Variants in CDH13 observed in about 807,000 individuals in gnomAD.
CDH13 encodes cadherin-13.
CDH13 carries 24 observed loss-of-function variants against 63.8 expected under a neutral mutation model. The observed-to-expected ratio is 0.38, with a 90% CI of 0.27 to 0.53. The LOEUF is 0.53. Ranked by LOEUF, CDH13 falls within the 20% of genes least tolerant of loss-of-function variation. The pLI, the probability that CDH13 is intolerant of heterozygous loss-of-function variation, is 0.85. For missense variants in CDH13, 1,049 were observed against 903.1 expected, an observed-to-expected ratio of 1.16 and a Z score of -2.07; for synonymous variants, 503 against 355.3, an observed-to-expected ratio of 1.42 and a Z score of -4.67.
intron 2 of CDH13, among the ~76,000 whole-genome samples, chr16:82,958,915 G>A (rs1440777405): frequency 1.3e-5 from 2 of 152,222 alleles, no homozygotes; most frequent in Non-Finnish European, 2.9e-5. Flanking sequence ...GGTTATGAAC[G>A]AATGAAATCT....
At chr16:83,764,168 A>G (rs1213353894) in intron 11 of CDH13, among the ~76,000 whole-genome samples, 1 of 152,218 alleles carries the variant, frequency 6.6e-6, no homozygotes, top group African/African-American at 2.4e-5. Context: ...CAGAATCATG[A>G]GTGCTGAGGC....
At chr16:82,662,871 C>T (rs573649550) in intron 1 of CDH13, among the ~76,000 whole-genome samples, 14 of 148,478 alleles carry the variant, frequency 9.4e-5, no homozygotes, top group East Asian at 3.9e-4. Context: ...TGTGTGCTTG[C>T]GTGGGCATGC....
intron 8 of CDH13, among the ~76,000 whole-genome samples, chr16:83,634,379 A>G (rs1402028211): frequency 6.6e-6 from 1 of 151,708 alleles, no homozygotes; most frequent in Non-Finnish European, 1.5e-5. Flanking sequence ...GAATCATACA[A>G]TATGTAACTC....
chr16:82,911,818 C>G (rs1354885247), intron 2 of CDH13, among the ~76,000 whole-genome samples: 1 of 152,096 alleles, frequency 6.6e-6, no homozygotes, highest in Non-Finnish European at 1.5e-5. Flanking sequence ...GCTTTTACCA[C>G]CAAATTCCCC....
intron 4 of CDH13, among the ~76,000 whole-genome samples, chr16:83,203,559 T>C (rs528072894): frequency 1.9e-3 from 268 of 141,382 alleles, no homozygotes; most frequent in Non-Finnish European, 3.0e-3. Context: ...TCGTGGTGGG[T>C]GCCTGTAGTC....
At chr16:83,134,885 C>G (rs559739179) in intron 4 of CDH13, among the ~76,000 whole-genome samples, 8 of 152,274 alleles carry the variant, frequency 5.3e-5, no homozygotes, top group African/African-American at 1.9e-4. Context: ...CATCTGAGCC[C>G]AAGGAGGAAG....
intron 5 of CDH13, among the ~76,000 whole-genome samples, chr16:83,286,778 A>ATT (rs1363053309): frequency 6.7e-6 from 1 of 148,340 alleles, no homozygotes; most frequent in Admixed American, 6.8e-5. Context: ...ATGTATATAT[A>ATT]TATATTTATA....
intron 13 of CDH13, among the ~76,000 whole-genome samples, chr16:83,791,811 C>CAAAAAAAAAAAAAAAA (rs10548547): frequency 1.1e-5 from 1 of 94,902 alleles, no homozygotes; most frequent in Non-Finnish European, 2.2e-5. Flanking sequence ...ACTTTGTCTC[C>CAAAAAAAAAAAAAAAA]AAAAAAAAAA....
At chr16:83,387,460 G>T (rs1004474940) in intron 6 of CDH13, among the ~76,000 whole-genome samples, 5 of 152,104 alleles carry the variant, frequency 3.3e-5, no homozygotes, top group Admixed American at 2.6e-4. Flanking sequence ...GTGTTTCATC[G>T]ATTTGGGCAC....
At chr16:82,770,110 A>T (rs943003817) in intron 1 of CDH13, among the ~76,000 whole-genome samples, 1 of 152,224 alleles carries the variant, frequency 6.6e-6, no homozygotes, top group Non-Finnish European at 1.5e-5. Context: ...CCTTTGAGTC[A>T]GATTATTTAG....
intron 6 of CDH13, among the ~76,000 whole-genome samples, chr16:83,425,931 C>T (rs1435400911): frequency 6.6e-6 from 1 of 152,130 alleles, no homozygotes; most frequent in Non-Finnish European, 1.5e-5. Context: ...ATTAAGCTTG[C>T]ATTCTACTGG....
chr16:82,639,223 A>T, intron 1 of CDH13: 1 of 495,990 alleles, frequency 2.0e-6, no homozygotes, highest in Non-Finnish European at 3.5e-6. Context: ...TGGGATGACT[A>T]CTTTTTTGAG....
chr16:82,649,849 C>T (rs1910519967), intron 1 of CDH13, among the ~76,000 whole-genome samples: 1 of 152,202 alleles, frequency 6.6e-6, no homozygotes, highest in African/African-American at 2.4e-5. Context: ...CTGCTTCCGA[C>T]CCCTCATCTG....
At chr16:82,762,865 C>T (rs1415086624) in intron 1 of CDH13, among the ~76,000 whole-genome samples, 1 of 152,148 alleles carries the variant, frequency 6.6e-6, no homozygotes, top group East Asian at 1.9e-4. Flanking sequence ...TGGGCACTCT[C>T]TTCATTAATA....
intron 5 of CDH13, among the ~76,000 whole-genome samples, chr16:83,329,543 T>C (rs2090438474): frequency 6.6e-6 from 1 of 152,178 alleles, no homozygotes; most frequent in Non-Finnish European, 1.5e-5. Flanking sequence ...TTGATTGTGA[T>C]GAAAAACACA....
At chr16:82,696,123 C>T (rs1399585259) in intron 1 of CDH13, among the ~76,000 whole-genome samples, 1 of 152,194 alleles carries the variant, frequency 6.6e-6, no homozygotes, top group Non-Finnish European at 1.5e-5. Context: ...TTTGGGGCCA[C>T]TGACCCTTCT....
intron 7 of CDH13, among the ~76,000 whole-genome samples, chr16:83,520,325 AT>A (rs2074800782): frequency 6.6e-6 from 1 of 152,138 alleles, no homozygotes; most frequent in Admixed American, 6.5e-5. Flanking sequence ...AACAAAAAGG[AT>A]TTATGGTGAT....
At chr16:83,295,460 A>C (rs955001918) in intron 5 of CDH13, among the ~76,000 whole-genome samples, 5 of 152,160 alleles carry the variant, frequency 3.3e-5, no homozygotes, top group East Asian at 1.9e-4. Flanking sequence ...AAATATTTGC[A>C]AACTGTACAT....
chr16:83,491,645 G>A (rs2074015901), intron 7 of CDH13, among the ~76,000 whole-genome samples: 1 of 150,480 alleles, frequency 6.6e-6, no homozygotes, highest in South Asian at 2.1e-4. Flanking sequence ...CATTTGCATT[G>A]AGAAAGTATC....
Sources: gnomAD v4.1 joint callset for allele counts (sites outside exome capture counted in the v4.1 genomes callset) on GRCh38, gnomAD v4.1.1 for gene constraint, MANE v1.5 for transcripts, NCBI Gene and HGNC (gene_info 2026-07-23, HGNC 2026-07-21) for gene names.